The following TENM4 variants were observed in gnomAD, a reference collection of about 807,000 sequenced individuals.
TENM4 encodes the protein teneurin transmembrane protein 4, also known as teneurin-4.
In TENM4, 82 loss-of-function variants were observed where a neutral mutation model predicts 243.3. The ratio of observed to expected loss-of-function variants is 0.34; its 90% CI spans 0.28 to 0.40. The LOEUF is 0.40. TENM4 is among the 10% of genes least tolerant of loss of function. The pLI is 1.00. For missense variants in TENM4, 3,138 were observed against 3,673.3 expected (o/e 0.85, Z 3.77); for synonymous variants, 1,412 against 1,456.3 (o/e 0.97, Z 0.69).
intron 9 of TENM4, among the ~76,000 whole-genome samples, chr11:78,880,403 T>C (rs1029657451): frequency 3.5e-5 from 5 of 143,414 alleles, no homozygotes; most frequent in Non-Finnish European, 5.9e-5. Context: ...TATTATCCTA[T>C]GACCCTGCCA....
At chr11:79,404,983 C>G (rs960052911) in intron 1 of TENM4, among the ~76,000 whole-genome samples, 1 of 152,026 alleles carries the variant, frequency 6.6e-6, no homozygotes, top group African/African-American at 2.4e-5. Context: ...TGTGCAGCAC[C>G]AGAGAAGACT....
At chr11:79,314,102 C>A (rs12576533) in intron 1 of TENM4, among the ~76,000 whole-genome samples, 2 of 151,990 alleles carry the variant, frequency 1.3e-5, no homozygotes, top group Non-Finnish European at 2.9e-5. Context: ...TCATGAAGGC[C>A]TGGGTTCAAA....
intron 18 of TENM4, among the ~76,000 whole-genome samples, chr11:78,764,342 G>A (rs1856496735): frequency 1.3e-5 from 2 of 152,216 alleles, no homozygotes; most frequent in African/African-American, 4.8e-5. Flanking sequence ...TGTACATCGA[G>A]CTGTTAGGCA....
chr11:79,079,266 T>C (rs936430479), intron 4 of TENM4, among the ~76,000 whole-genome samples: 2 of 152,168 alleles, frequency 1.3e-5, no homozygotes, highest in African/African-American at 2.4e-5. Flanking sequence ...AGAGAGCTTG[T>C]CAGAGGCCAG....
chr11:78,714,838 C>A (rs1382223381), intron 25 of TENM4, among the ~76,000 whole-genome samples: 4 of 152,184 alleles, frequency 2.6e-5, no homozygotes, highest in African/African-American at 9.6e-5. Context: ...CCCTCCTCTG[C>A]AAACCTTCCC....
intron 6 of TENM4, among the ~76,000 whole-genome samples, chr11:78,911,494 A>C (rs1236525291): frequency 6.6e-6 from 1 of 152,236 alleles, no homozygotes; most frequent in Non-Finnish European, 1.5e-5. Flanking sequence ...AGGTAGGAAG[A>C]GAGAGAGGCT....
chr11:78,727,236 C>A (rs1855536202), intron 22 of TENM4, among the ~76,000 whole-genome samples: 1 of 152,144 alleles, frequency 6.6e-6, no homozygotes, highest in African/African-American at 2.4e-5. Flanking sequence ...ATCACGAGGT[C>A]AGGAGATGGA....
At chr11:79,373,149 T>A (rs1166669591) in intron 1 of TENM4, among the ~76,000 whole-genome samples, 2 of 152,224 alleles carry the variant, frequency 1.3e-5, no homozygotes, top group African/African-American at 4.8e-5. Context: ...TACAACAGTA[T>A]CTGATAAACA....
intron 2 of TENM4, among the ~76,000 whole-genome samples, chr11:79,264,974 T>A (rs546022654): frequency 5.9e-5 from 9 of 152,274 alleles, no homozygotes; most frequent in African/African-American, 2.2e-4. Context: ...GGCAACCTAA[T>A]GAGTGGAGGC....
intron 2 of TENM4, among the ~76,000 whole-genome samples, chr11:79,242,981 T>A (rs973289443): frequency 6.6e-6 from 1 of 152,172 alleles, no homozygotes; most frequent in Admixed American, 6.5e-5. Flanking sequence ...TTGCCACTTG[T>A]TCGGGGCCTG....
At chr11:78,803,483 C>A (rs1386100789) in intron 15 of TENM4, among the ~76,000 whole-genome samples, 2 of 152,144 alleles carry the variant, frequency 1.3e-5, no homozygotes, top group African/African-American at 4.8e-5. Flanking sequence ...AGATTTGAAC[C>A]CAGGTCTGTC....
At chr11:79,208,024 G>A (rs1203888456) in intron 3 of TENM4, among the ~76,000 whole-genome samples, 1 of 152,104 alleles carries the variant, frequency 6.6e-6, no homozygotes, top group Admixed American at 6.5e-5. Flanking sequence ...CTATTCCAGA[G>A]CCTGCTCTCT....
At chr11:78,970,734 C>A (rs146434494) in intron 6 of TENM4, among the ~76,000 whole-genome samples, 34 of 152,248 alleles carry the variant, frequency 2.2e-4, no homozygotes, top group African/African-American at 7.7e-4. Flanking sequence ...CAAGAGGTTG[C>A]TCTGAGGGTT....
intron 6 of TENM4, among the ~76,000 whole-genome samples, chr11:79,063,880 G>A (rs984094640): frequency 2.0e-5 from 3 of 152,178 alleles, no homozygotes; most frequent in Non-Finnish European, 1.5e-5. Flanking sequence ...CAGCTGGCAC[G>A]TCCTGGGATC....
At chr11:78,922,018 T>C (rs1396822483) in intron 6 of TENM4, among the ~76,000 whole-genome samples, 1 of 152,242 alleles carries the variant, frequency 6.6e-6, no homozygotes, top group African/African-American at 2.4e-5. Context: ...GTGTGGGAAC[T>C]GCTGGCACCC....
chr11:78,847,969 T>C (rs1458285880), intron 12 of TENM4, among the ~76,000 whole-genome samples: 2 of 152,170 alleles, frequency 1.3e-5, no homozygotes, highest in African/African-American at 2.4e-5. Context: ...CACAGGCCAG[T>C]GTTCTTTGGA....
chr11:78,814,237 GA>G, intron 13 of TENM4, 56 bp downstream of exon 13: 1 of 1,495,748 alleles, frequency 6.7e-7, no homozygotes, highest in African/African-American at 1.4e-5. Context: ...AAGTAGAAGT[GA>G]GCTGCCTGAG....
chr11:78,914,196 T>C (rs962756808), intron 6 of TENM4, among the ~76,000 whole-genome samples: 1 of 152,170 alleles, frequency 6.6e-6, no homozygotes, highest in African/African-American at 2.4e-5. Flanking sequence ...AATTTGTCTA[T>C]CTGAAAAAGG....
At chr11:79,371,303 C>A (rs1447229680) in intron 1 of TENM4, among the ~76,000 whole-genome samples, 3 of 152,288 alleles carry the variant, frequency 2.0e-5, no homozygotes, top group Non-Finnish European at 4.4e-5. Flanking sequence ...TACAGCAATT[C>A]CCACTCAGGC....
Sources: allele counts gnomAD v4.1 joint callset (sites outside exome capture counted in the v4.1 genomes callset), GRCh38; gene constraint gnomAD v4.1.1; transcripts MANE v1.5; gene names NCBI Gene and HGNC (gene_info 2026-07-23, HGNC 2026-07-21).